The following FRMPD1 variants were observed in gnomAD, a reference collection of about 807,000 sequenced individuals.
FRMPD1 encodes FERM and PDZ domain containing 1.
FRMPD1 carries 76 observed loss-of-function variants against 117.8 expected under a neutral mutation model. The observed-to-expected ratio is 0.65, with a 90% CI of 0.54 to 0.78. The LOEUF is 0.78. FRMPD1 is among the 30% of genes least tolerant of loss of function. FRMPD1 has a pLI of 0.00. For synonymous variants in FRMPD1, 783 were observed against 770.4 expected (o/e 1.02, Z -0.27); for missense variants, 1,786 against 1,964.5 (o/e 0.91, Z 1.72).
At chr9:37,640,325 G>A in the FRMPD1 span, among the ~76,000 whole-genome samples, 14 of 152,206 alleles carry the variant, frequency 9.2e-5, no homozygotes, top group African/African-American at 2.7e-4. Flanking sequence ...TGGCTGAACC[G>A]AGGACAGAGT....
intron 2 of FRMPD1, among the ~76,000 whole-genome samples, chr9:37,700,332 T>C (rs1822487413): frequency 6.6e-6 from 1 of 152,192 alleles, no homozygotes; most frequent in African/African-American, 2.4e-5. Context: ...TGCATTCCTA[T>C]GATTGTGATT....
chr9:37,645,113 A>AAAG, the FRMPD1 span, among the ~76,000 whole-genome samples: 8 of 147,828 alleles, frequency 5.4e-5, no homozygotes, highest in Admixed American at 1.3e-4. Flanking sequence ...AAAAAAAAAA[A>AAAG]AGAGAGAGAG....
chr9:37,693,820 C>T (rs577908880), intron 2 of FRMPD1, among the ~76,000 whole-genome samples: 1 of 152,302 alleles, frequency 6.6e-6, no homozygotes, highest in Non-Finnish European at 1.5e-5. Flanking sequence ...TGGGCCATAT[C>T]CCTTCCTCCC....
intron 2 of FRMPD1, among the ~76,000 whole-genome samples, chr9:37,695,890 G>C (rs1229233126): frequency 6.6e-6 from 1 of 151,898 alleles, no homozygotes; most frequent in Non-Finnish European, 1.5e-5. Context: ...AAATGTTCCT[G>C]TCCCATGCTA....
At chr9:37,639,811 C>A in the FRMPD1 span, among the ~76,000 whole-genome samples, 1 of 152,184 alleles carries the variant, frequency 6.6e-6, no homozygotes, top group Non-Finnish European at 1.5e-5. Context: ...CAGGCATGCA[C>A]CACCAGGCCT....
At chr9:37,690,457 G>C (rs1347634316) in intron 1 of FRMPD1, among the ~76,000 whole-genome samples, 4 of 151,660 alleles carry the variant, frequency 2.6e-5, no homozygotes, top group Non-Finnish European at 4.4e-5. Context: ...GTTTGTTTTG[G>C]TCTGTTTTTT....
Position 37,735,643 on chromosome 9 carries a change from C to T in FRMPD1, c.1310C>T (p.Thr437Ile), listed in dbSNP as rs1824084427. ...AATAGCAAACTCAACATCATGTCCA[C>T]ATTGGCAGAGTTTGCAAACATCAGC... ...VINSKLNIMS[T>I]LAEFANISRV... Residue 437 changes from threonine (T) to isoleucine (I), a missense_variant, in exon 13 of 16, where the codon ACA becomes ATA. By Grantham distance (89) the Thr-to-Ile change is moderately conservative. Coordinates refer to ENST00000377765, the MANE Select transcript of FRMPD1 (RefSeq NM_014907.3). 1 of 1,613,556 alleles carries T rather than the reference C, an allele frequency of 6.2e-7. No homozygotes were observed. Among genetic ancestry groups the T allele is most frequent in the African/African-American group, 1.3e-5 (1 of 74,900 alleles).
At chr9:37,714,576 G>GTTTATTTTATTTTAT (rs879932382) in intron 5 of FRMPD1, among the ~76,000 whole-genome samples, 68 of 144,630 alleles carry the variant, frequency 4.7e-4, no homozygotes, top group African/African-American at 1.5e-3. Flanking sequence ...CTCCGAAGAA[G>GTTTATTTTATTTTAT]TTTATTTTAT....
intron 5 of FRMPD1, among the ~76,000 whole-genome samples, chr9:37,711,913 G>A (rs1335950729): frequency 2.0e-5 from 3 of 152,132 alleles, no homozygotes; most frequent in Admixed American, 1.3e-4. Context: ...ACCACAGGCC[G>A]AGGAGCTCCT....
At chr9:37,654,726 G>A (rs963145754) in intron 1 of FRMPD1, among the ~76,000 whole-genome samples, 3 of 152,218 alleles carry the variant, frequency 2.0e-5, no homozygotes, top group African/African-American at 7.2e-5. Flanking sequence ...GGCCTGAAGG[G>A]GCTTGGTGCA....
At chr9:37,703,430 G>A (rs554047342) in intron 2 of FRMPD1, among the ~76,000 whole-genome samples, 69 of 152,230 alleles carry the variant, frequency 4.5e-4, no homozygotes, top group African/African-American at 1.7e-3. Flanking sequence ...TGTGAAATGT[G>A]GGTATCTACT....
chr9:37,668,848 GT>G (rs1428295171), intron 1 of FRMPD1, among the ~76,000 whole-genome samples: 1 of 152,044 alleles, frequency 6.6e-6, no homozygotes, highest in East Asian at 1.9e-4. Context: ...TCTCACATTT[GT>G]TTTGTGTTTT....
At chr9:37,685,692 T>G (rs1012502137) in intron 1 of FRMPD1, among the ~76,000 whole-genome samples, 27 of 152,200 alleles carry the variant, frequency 1.8e-4, no homozygotes, top group African/African-American at 5.5e-4. Flanking sequence ...TTGGTTACAG[T>G]TTTGTGTGTT....
At chr9:37,700,995 G>A (rs1016610192) in intron 2 of FRMPD1, among the ~76,000 whole-genome samples, 2 of 152,154 alleles carry the variant, frequency 1.3e-5, no homozygotes, top group Non-Finnish European at 2.9e-5. Flanking sequence ...TATGAGGAGC[G>A]GCCATGGTTT....
intron 2 of FRMPD1, among the ~76,000 whole-genome samples, chr9:37,701,171 G>A (rs1409003684): frequency 2.6e-5 from 4 of 152,228 alleles, no homozygotes; most frequent in African/African-American, 7.2e-5. Context: ...ACTCTGCCAA[G>A]TGGAAGATAA....
the FRMPD1 span, chr9:37,637,153 G>A: frequency 6.2e-7 from 1 of 1,609,734 alleles, no homozygotes; most frequent in Non-Finnish European, 8.5e-7. Context: ...CGATGGTTTG[G>A]ATCTTGAAGT....
rs746980264 is a variant in FRMPD1 at position 37,711,360 on chromosome 9, G to T, written c.373G>T (p.Asp125Tyr). The T allele has an allele frequency of 9.9e-6, 16 of 1,608,838 alleles. No homozygotes were observed. Among genetic ancestry groups the T allele is most frequent in the Non-Finnish European group, 1.4e-5 (16 of 1,175,196 alleles). ...TCTTTCTTTTTTCAGGGAAGCAGAA[G>T]ATTCTCTTTCAATCACAGTTGTTCG... ...RAVDILREAEDSLSITVVRCT... is the reference protein window; with the variant it reads ...RAVDILREAEYSLSITVVRCT... The change falls in exon 5 of 16, where the codon GAT becomes TAT. Residue 125 changes from aspartate to tyrosine, a missense_variant. By Grantham distance (160) the Asp-to-Tyr change is radical (BLOSUM62 -3). Transcript: ENST00000377765.
At chr9:37,727,480 G>T (rs1011232362) in intron 7 of FRMPD1, among the ~76,000 whole-genome samples, 4 of 152,088 alleles carry the variant, frequency 2.6e-5, no homozygotes, top group Non-Finnish European at 5.9e-5. Flanking sequence ...GTGCAAGTTG[G>T]AGAACAGATG....
rs371289474 is a variant in FRMPD1 at position 37,707,601 on chromosome 9, G to A, written c.259+28G>A. ...AGGGGATGACTGGGAAATGAGAAAG[G>A]AGTTTGGTTTCTTAAGGGGAAATAG... is the stretch of plus-strand genomic sequence containing the variant. On this transcript the variant is annotated intron_variant, in intron 3 of 15. Transcript: ENST00000377765. 2.8e-4 allele frequency: 451 copies of A among 1,600,196 alleles called. 1 individual carries two copies. Among genetic ancestry groups the A allele is most frequent in the South Asian group, 1.2e-3 (111 of 90,128 alleles).
Sources: gnomAD v4.1 joint callset for allele counts (sites outside exome capture counted in the v4.1 genomes callset) on GRCh38, gnomAD v4.1.1 for gene constraint, MANE v1.5 for transcripts, NCBI Gene and HGNC (gene_info 2026-07-23, HGNC 2026-07-21) for gene names.